The following NKD1 variants were observed in gnomAD, a reference collection of about 807,000 sequenced individuals.
NKD1 encodes protein naked cuticle homolog 1.
In NKD1, 21 loss-of-function variants were observed where a neutral mutation model predicts 56.0. The ratio of observed to expected loss-of-function variants is 0.38; its 90% CI spans 0.27 to 0.54. NKD1 has a LOEUF of 0.54. Among genes scored for constraint, NKD1 ranks in the 20% least tolerant of loss-of-function variants. The pLI, the probability that NKD1 is intolerant of heterozygous loss-of-function variation, is 0.82. For missense variants in NKD1, 578 were observed against 642.7 expected (o/e 0.90, Z 1.09); for synonymous variants, 263 against 265.7 (o/e 0.99, Z 0.10).
intron 6 of NKD1, 115 bp from the exon 7 acceptor site, chr16:50,630,071 G>T: frequency 1.1e-6 from 1 of 924,176 alleles, no homozygotes; most frequent in Non-Finnish European, 1.7e-6. Context: ...CCTTAGATCT[G>T]CTTTGGGGCA....
At chr16:50,608,558 A>C (rs1961770600) in intron 4 of NKD1, 198 bp downstream of exon 4, 2 of 604,892 alleles carry the variant, frequency 3.3e-6, no homozygotes, top group Non-Finnish European at 6.0e-6. Flanking sequence ...CATAGGTCCA[A>C]GCCCAGGTGG....
At chr16:50,625,811 C>T (rs1962198343) in intron 6 of NKD1, among the ~76,000 whole-genome samples, 1 of 150,186 alleles carries the variant, frequency 6.7e-6, no homozygotes, top group Admixed American at 6.7e-5. Flanking sequence ...CTGCTCTCAG[C>T]CCAGGCACTG....
intron 4 of NKD1, among the ~76,000 whole-genome samples, chr16:50,613,076 G>A (rs1418934112): frequency 6.6e-6 from 1 of 152,014 alleles, no homozygotes; most frequent in Non-Finnish European, 1.5e-5. Context: ...AGAGATCAGG[G>A]ATGCATCTTA....
At chr16:50,616,648 A>C (rs1322489118) in intron 4 of NKD1, among the ~76,000 whole-genome samples, 1 of 152,186 alleles carries the variant, frequency 6.6e-6, no homozygotes, top group Non-Finnish European at 1.5e-5. Context: ...CCAGATCTCA[A>C]GAAACTTGCT....
intron 3 of NKD1, chr16:50,571,082 C>A: frequency 1.2e-6 from 1 of 829,872 alleles, no homozygotes; most frequent in Non-Finnish European, 1.5e-6. Flanking sequence ...GAAGGGAGAG[C>A]TGAGAGGAAA....
intron 3 of NKD1, among the ~76,000 whole-genome samples, chr16:50,565,840 C>T (rs1960747149): frequency 6.6e-6 from 1 of 152,146 alleles, no homozygotes; most frequent in Non-Finnish European, 1.5e-5. Flanking sequence ...AATGTATAAT[C>T]TTATTGTTCT....
chr16:50,621,345 G>A (rs1962082402), intron 4 of NKD1, among the ~76,000 whole-genome samples: 1 of 152,230 alleles, frequency 6.6e-6, no homozygotes, highest in Non-Finnish European at 1.5e-5. Context: ...CCATAGGGCA[G>A]AAGTCATAGG....
intron 3 of NKD1, among the ~76,000 whole-genome samples, chr16:50,595,722 C>T (rs1396642207): frequency 6.6e-6 from 1 of 152,158 alleles, no homozygotes; most frequent in African/African-American, 2.4e-5. Flanking sequence ...GGTGGAGTCA[C>T]TGCCATGAAG....
At position 50,630,268 on chromosome 16, in the gene NKD1, G is replaced by T; in HGVS notation, c.545G>T (p.Arg182Leu). ...TCCCCAACATCCAGCAAGATGCTGC[G>T]GGTAAAGCTCACCGTGGCCCCCGAT... is the stretch of plus-strand genomic sequence containing the variant. ...NHSPTSSKML[R>L]VKLTVAPDGS... is the part of the protein sequence containing the mutation. The change falls in exon 7 of 10, where the codon CGG (arginine) becomes CTG (leucine). Residue 182 changes from arginine (R) to leucine (L), a missense_variant. By Grantham distance (102) the Arg-to-Leu change is moderately radical (BLOSUM62 -2). Coordinates refer to ENST00000268459, the MANE Select transcript of NKD1 (RefSeq NM_033119.5). 6.2e-7 allele frequency: 1 copy of T among 1,614,170 alleles called. No homozygotes were observed.
At chr16:50,631,337 G>T (rs372796264) in intron 8 of NKD1, among the ~76,000 whole-genome samples, 215 of 152,292 alleles carry the variant, frequency 1.4e-3, no homozygotes, top group Middle Eastern at 6.8e-3. Flanking sequence ...TGGTGGATAA[G>T]GAATTATGAG....
rs138362924 is a variant in NKD1 at position 50,576,338 on chromosome 16, C to T, written c.192+26783C>T. 9.2e-5 allele frequency among the ~76,000 whole-genome samples: 14 copies of T among 152,322 alleles called. No individual in the cohort carries two copies. In the East Asian group the frequency reaches 2.3e-3, roughly 25 times the overall value. On this transcript the variant is annotated intron_variant, in intron 3 of 9. Transcript: ENST00000268459. ...AAGACATTCAGTCACTCCCTCTCCT[C>T]TCCTCCTCCAGATAGCAAAGAAGAT...
At chr16:50,558,590 G>A (rs936228438) in intron 3 of NKD1, 3 of 152,370 alleles carry the variant, frequency 2.0e-5, no homozygotes, top group Non-Finnish European at 4.4e-5. Flanking sequence ...GGCACAGGAA[G>A]GGTAAGTAAA....
In NKD1 at chr16:50,639,846, G is replaced by A. The variant is rs984815365; in HGVS notation, c.*6065G>A. ...CTTCCCTCCTCTGGCTCAGGACTACGGTCTGAAATTAGGGAGATATGAATG... is the reference window on the plus strand; with the variant it reads ...CTTCCCTCCTCTGGCTCAGGACTACAGTCTGAAATTAGGGAGATATGAATG... On this transcript the variant is annotated 3_prime_UTR_variant, in exon 10 of 10. Coordinates refer to ENST00000268459, the MANE Select transcript of NKD1 (RefSeq NM_033119.5). 5.9e-5 allele frequency: 9 copies of A among 152,254 alleles called. No homozygotes were observed. The highest frequency in any genetic ancestry group is 1.3e-4 in the Admixed American group (2 of 15,272). 9.4% of individuals were successfully genotyped at this position (152,254 alleles called of 1,614,324 possible).
rs146112889 is a variant in NKD1, at chr16:50,607,663, G to C, written c.193-631G>C. On this transcript the variant is annotated intron_variant, in intron 3 of 9. Coordinates refer to ENST00000268459, the MANE Select transcript of NKD1 (RefSeq NM_033119.5). ...CCAGCACTTGGAGATTCAGTGTTTA[G>C]AACCATAGGAAAAGTCCTGATAAGT... is the stretch of plus-strand genomic sequence containing the variant. 1.8e-3 allele frequency: 271 copies of C among 154,364 alleles called. 1 individual carries two copies. Among genetic ancestry groups the C allele is most frequent in the Non-Finnish European group, 3.3e-3 (230 of 69,364 alleles). The allele number at this position is 154,364 out of a possible 1,614,324, so 9.6% of individuals were successfully genotyped here. A position where few individuals can be genotyped will look rare whatever the true frequency, so the allele number is the denominator to read the frequency against.
chr16:50,606,729 G>T (rs138231774), intron 3 of NKD1: 6 of 444,086 alleles, frequency 1.4e-5, no homozygotes, highest in East Asian at 1.4e-4. Flanking sequence ...GGTGGCAGGC[G>T]CAGAGCCCCG....
At chr16:50,552,258 A>T (rs1413808407) in intron 3 of NKD1, 1 of 152,172 alleles carries the variant, frequency 6.6e-6, no homozygotes, top group Non-Finnish European at 1.5e-5. Flanking sequence ...TCCTCCCCAT[A>T]ACCTTGTAGT....
chr16:50,631,956 C>T (rs1408382843), intron 8 of NKD1, among the ~76,000 whole-genome samples: 1 of 152,258 alleles, frequency 6.6e-6, no homozygotes, highest in Non-Finnish European at 1.5e-5. Context: ...TGGCTTGAAG[C>T]CTGGCACTGG....
In NKD1 at chr16:50,638,747, A is replaced by G. The variant is rs1962521242; in HGVS notation, c.*4966A>G. 1 of 152,214 alleles carries G rather than the reference A, an allele frequency of 6.6e-6. No homozygotes were observed. The highest frequency in any genetic ancestry group is 6.5e-5 in the Admixed American group (1 of 15,272). 9.4% of individuals were successfully genotyped at this position (152,214 alleles called of 1,614,324 possible). A position where few individuals can be genotyped will look rare whatever the true frequency, so the allele number is the denominator to read the frequency against. ...TCCCTACAAAGGGCTTTCTATACCT[A>G]GCATCTGCCTCCAGCATGAGAAGGG... On this transcript the variant is annotated 3_prime_UTR_variant, in exon 10 of 10. Transcript: ENST00000268459.
chr16:50,595,333 T>C lies in NKD1; in HGVS notation c.193-12961T>C, dbSNP rs151304715. Among the ~76,000 whole-genome samples, 85 of 152,308 alleles carry C rather than the reference T, an allele frequency of 5.6e-4. No individual in the cohort carries two copies. The East Asian group carries it at 0.016, about 29-fold the overall frequency. ...AAAGGACTTGTAGTGGGGAGGTTCA[T>C]GAACCCCCTGAAATTCAATGTGCAA... On this transcript the variant is annotated intron_variant, in intron 3 of 9. Transcript: ENST00000268459.
Sources: allele counts gnomAD v4.1 joint callset (sites outside exome capture counted in the v4.1 genomes callset), GRCh38; gene constraint gnomAD v4.1.1; transcripts MANE v1.5; gene names NCBI Gene and HGNC (gene_info 2026-07-23, HGNC 2026-07-21).